FASTKD1: variants seen among roughly 807,000 people sequenced by gnomAD.
FASTKD1 encodes FAST kinase domains 1.
Under a neutral mutation model 90.9 loss-of-function variants are expected in FASTKD1, and 94 were observed. The ratio of observed to expected loss-of-function variants is 1.03; its 90% CI spans 0.88 to 1.23. The LOEUF is 1.23. Among genes scored for constraint, FASTKD1 ranks in the 50% most tolerant of loss-of-function variants. The pLI, the probability that FASTKD1 is intolerant of heterozygous loss-of-function variation, is 0.00. For missense variants in FASTKD1, 945 were observed against 993.5 expected (o/e 0.95, Z 0.66); for synonymous variants, 319 against 345.8 (o/e 0.92, Z 0.86).
At chr2:169,544,698 G>A (rs748229894) in intron 9 of FASTKD1, 23 bp downstream of exon 9, 14 of 1,283,116 alleles carry the variant, frequency 1.1e-5, no homozygotes, top group African/African-American at 5.9e-5. Flanking sequence ...TTCACTCAAT[G>A]TATTACCAAA....
intron 3 of FASTKD1, among the ~76,000 whole-genome samples, chr2:169,567,494 T>A (rs1014698853): frequency 3.3e-5 from 5 of 152,180 alleles, no homozygotes; most frequent in Non-Finnish European, 5.9e-5. Flanking sequence ...GTTTAGCTAA[T>A]AAGATTAACT....
chr2:169,539,730 C>T (rs940949092), intron 10 of FASTKD1, among the ~76,000 whole-genome samples: 1 of 151,804 alleles, frequency 6.6e-6, no homozygotes, highest in African/African-American at 2.4e-5. Flanking sequence ...CACCACTGCA[C>T]TCCAGCCTGG....
rs913918430 is a variant in FASTKD1 at position 169,560,443 on chromosome 2, G to T, written c.915C>A (p.Ser305Arg). The change falls in exon 5 of 15, where the codon AGC becomes AGA. Residue 305 changes from serine to arginine, a missense_variant. Physicochemically the swap from Ser to Arg is moderately radical, Grantham distance 110. Transcript: ENST00000453153. ...EMIPLCNHPA[S>R]FVKLFVALGP... The stretch of plus-strand genomic sequence containing the variant: ...CCAATGCTACAAACAATTTTACAAA[G>T]CTAGCAGGATGATTACACAGAGGAA... 3 of 1,580,726 alleles carry T rather than the reference G, an allele frequency of 1.9e-6. No individual in the cohort carries two copies. In the African/African-American group the frequency reaches 4.1e-5, roughly 22 times the overall value.
chr2:169,561,053 CT>C (rs2105411295), intron 4 of FASTKD1, among the ~76,000 whole-genome samples: 1 of 149,896 alleles, frequency 6.7e-6, no homozygotes, highest in African/African-American at 2.4e-5. Flanking sequence ...AATCCCAGAA[CT>C]TTGGGAGGCC....
intron 7 of FASTKD1, among the ~76,000 whole-genome samples, chr2:169,553,856 A>C (rs1685611817): frequency 6.6e-6 from 1 of 152,122 alleles, no homozygotes; most frequent in African/African-American, 2.4e-5. Context: ...CGGGTGGCAG[A>C]GCTTGCAGTG....
intron 8 of FASTKD1, among the ~76,000 whole-genome samples, chr2:169,545,466 AC>A (rs1465058415): frequency 6.6e-6 from 1 of 152,166 alleles, no homozygotes; most frequent in African/African-American, 2.4e-5. Flanking sequence ...GTTAAGACAA[AC>A]TTTTTATTTT....
In FASTKD1 at chr2:169,546,253, T is replaced by A; in HGVS notation, c.1666A>T (p.Arg556Trp). Residue 556 changes from arginine (R) to tryptophan (W), a missense_variant, in exon 8 of 15, where the codon AGG (arginine) becomes TGG (tryptophan). Arg to Trp is a moderately radical substitution (Grantham distance 101). Coordinates refer to ENST00000453153, the MANE Select transcript of FASTKD1 (RefSeq NM_024622.6). ...TDYLSTLLLD[R>W]IASVAVQQIE... ...TGCTGAACAGCCACTGAGGCTATCCTATCTAGTAGCAAAGTACTGAGGTAA... is the reference window on the plus strand; with the variant it reads ...TGCTGAACAGCCACTGAGGCTATCCAATCTAGTAGCAAAGTACTGAGGTAA... The A allele has an allele frequency of 6.2e-7, 1 of 1,604,392 alleles. No individual in the cohort carries two copies. Among genetic ancestry groups the A allele is most frequent in the East Asian group, 2.2e-5 (1 of 44,756 alleles).
In FASTKD1 at chr2:169,564,943, C is replaced by A. The variant is rs1220218613; in HGVS notation, c.447-1593G>T. Among the ~76,000 whole-genome samples, 3 of 147,864 alleles carry A rather than the reference C, an allele frequency of 2.0e-5. No individual in the cohort carries two copies. The East Asian group carries it at 6.0e-4, about 29-fold the overall frequency. ...ATATTACCCCATTGTGTATATATACCACATTTTTCTTTTTTTTTTTTTTTT... is the reference window on the plus strand; with the variant it reads ...ATATTACCCCATTGTGTATATATACAACATTTTTCTTTTTTTTTTTTTTTT... On this transcript the variant is annotated intron_variant, in intron 3 of 14. Transcript: ENST00000453153.
intron 7 of FASTKD1, among the ~76,000 whole-genome samples, chr2:169,551,884 T>C (rs532882929): frequency 1.3e-5 from 2 of 152,282 alleles, no homozygotes; most frequent in African/African-American, 4.8e-5. Flanking sequence ...ATAGTTAATC[T>C]TGGAGGTGAG....
In FASTKD1 at chr2:169,555,194, T is replaced by A. The variant is rs558635104; in HGVS notation, c.1144A>T (p.Thr382Ser). The change falls in exon 7 of 15, where the codon ACT becomes TCT. Residue 382 changes from threonine (T) to serine (S), a missense_variant. Transcript: ENST00000453153. Reference sequence around the variant, plus strand: ...AAATGCAGAAAAGTTAATTCTTGAGTTATCTTCAACAACTCTAATGGTTTA... The same window carrying A: ...AAATGCAGAAAAGTTAATTCTTGAGATATCTTCAACAACTCTAATGGTTTA... ...GYKPLELLKITQELTFLHFQR... is the reference protein window; with the variant it reads ...GYKPLELLKISQELTFLHFQR... 1 of 1,612,422 alleles carries A rather than the reference T, an allele frequency of 6.2e-7. No homozygotes were observed.
rs555370918 is a variant in FASTKD1, at chr2:169,573,860, A to G, written c.-334T>C. On this transcript the variant is annotated 5_prime_UTR_variant, in exon 1 of 15. Coordinates refer to ENST00000453153, the MANE Select transcript of FASTKD1 (RefSeq NM_024622.6). ...CCTTTCCCATGAGACCTTGCCCCCA[A>G]ACCAGGAAAAAATGCCCGGCAGGCG... is the stretch of plus-strand genomic sequence containing the variant. 2.6e-5 allele frequency: 4 copies of G among 152,216 alleles called. No homozygotes were observed. Among genetic ancestry groups the G allele is most frequent in the Non-Finnish European group, 4.4e-5 (3 of 68,074 alleles). 9.4% of individuals were successfully genotyped at this position (152,216 alleles called of 1,614,324 possible).
intron 13 of FASTKD1, 150 bp downstream of exon 13, chr2:169,531,202 A>T (rs1006654978): frequency 2.4e-6 from 2 of 829,746 alleles, no homozygotes; most frequent in African/African-American, 3.3e-5. Flanking sequence ...TAAAGCAGAA[A>T]GGAGAGGAAA....
At chr2:169,568,863 C>T (rs1684110933) in intron 3 of FASTKD1, among the ~76,000 whole-genome samples, 1 of 151,342 alleles carries the variant, frequency 6.6e-6, no homozygotes, top group Non-Finnish European at 1.5e-5. Context: ...AGCCCTGAGT[C>T]ATGGTGGGTG....
At chr2:169,548,558 C>G (rs1326192206) in intron 7 of FASTKD1, among the ~76,000 whole-genome samples, 1 of 151,482 alleles carries the variant, frequency 6.6e-6, no homozygotes, top group Non-Finnish European at 1.5e-5. Context: ...TAATGAAACC[C>G]CATCTCTACT....
chr2:169,561,444 A>G (rs1683593708), intron 4 of FASTKD1, among the ~76,000 whole-genome samples: 1 of 152,084 alleles, frequency 6.6e-6, no homozygotes, highest in Admixed American at 6.6e-5. Flanking sequence ...TATGAAGGTT[A>G]GCATTGACAG....
intron 5 of FASTKD1, among the ~76,000 whole-genome samples, chr2:169,557,860 T>C (rs1319896723): frequency 6.6e-6 from 1 of 152,220 alleles, no homozygotes; most frequent in Non-Finnish European, 1.5e-5. Context: ...CCATGATACG[T>C]GTATTTTTTA....
chr2:169,561,976 T>TTAATTTATTGTAAATTAA lies in FASTKD1; in HGVS notation c.573-1192_573-1191insTTAATTTACAATAAATTA. On this transcript the variant is annotated intron_variant, in intron 4 of 14. Coordinates refer to ENST00000453153, the MANE Select transcript of FASTKD1 (RefSeq NM_024622.6). ...TTATTAATTTATTGTAAATTAATTA[T>TTAATTTATTGTAAATTAA]TCATTAATTTATTGTAAATTAATTA... is the stretch of plus-strand genomic sequence containing the variant. 1.6e-5 allele frequency among the ~76,000 whole-genome samples: 2 copies of TTAATTTATTGTAAATTAA among 123,210 alleles called. 1 individual carries two copies. Among genetic ancestry groups the TTAATTTATTGTAAATTAA allele is most frequent in the African/African-American group, 6.5e-5 (2 of 30,686 alleles). 80.8% of individuals were successfully genotyped at this position (123,210 alleles called of 152,430 possible). A position where few individuals can be genotyped will look rare whatever the true frequency, so the allele number is the denominator to read the frequency against.
chr2:169,541,047 A>T (rs1424633542), intron 9 of FASTKD1, among the ~76,000 whole-genome samples: 1 of 152,222 alleles, frequency 6.6e-6, no homozygotes, highest in African/African-American at 2.4e-5. Flanking sequence ...ACAACATTAA[A>T]TCTTTCCTTT....
chr2:169,534,354 G>A, intron 12 of FASTKD1, among the ~76,000 whole-genome samples: 1 of 151,850 alleles, frequency 6.6e-6, no homozygotes, highest in Admixed American at 6.6e-5. Flanking sequence ...GTACCATCTT[G>A]GAAGCAGAGG....
Sources: gnomAD v4.1 joint callset for allele counts (sites outside exome capture counted in the v4.1 genomes callset) on GRCh38, gnomAD v4.1.1 for gene constraint, MANE v1.5 for transcripts, NCBI Gene and HGNC (gene_info 2026-07-23, HGNC 2026-07-21) for gene names.